Variants in PTPRD observed in about 807,000 individuals in gnomAD.
PTPRD encodes the protein receptor-type tyrosine-protein phosphatase delta.
PTPRD carries 34 observed loss-of-function variants against 214.5 expected under a neutral mutation model. That is an observed-to-expected ratio of 0.16 (90% CI 0.12 to 0.21). PTPRD has a LOEUF of 0.21. Ranked by LOEUF, PTPRD falls within the 10% of genes least tolerant of loss-of-function variation. The pLI is 1.00. For synonymous variants in PTPRD, 1,128 were observed against 845.7 expected (o/e 1.33, Z -5.79); for missense variants, 2,545 against 2,398.7 (o/e 1.06, Z -1.27).
intron 10 of PTPRD, among the ~76,000 whole-genome samples, chr9:9,107,948 C>T (rs1172559189): frequency 3.9e-5 from 6 of 152,094 alleles, no homozygotes; most frequent in Non-Finnish European, 5.9e-5. Context: ...ACTTTTTACA[C>T]ATGACAAATG....
chr9:8,417,397 T>A lies in PTPRD; in HGVS notation c.4087-12737A>T, dbSNP rs144361101. 2.0e-5 allele frequency among the ~76,000 whole-genome samples: 3 copies of A among 152,258 alleles called. No individual in the cohort carries two copies. The East Asian group carries it at 5.8e-4, about 29-fold the overall frequency. On this transcript the variant is annotated intron_variant, in intron 35 of 45. Transcript: ENST00000381196. ...ATTCCTTAGAACTGAATAGCCATAA[T>A]GCAGCAAAGGGTAGAGCTGTATTGG...
At chr9:10,002,876 A>G (rs1447303007) in intron 4 of PTPRD, among the ~76,000 whole-genome samples, 2 of 151,704 alleles carry the variant, frequency 1.3e-5, no homozygotes, top group African/African-American at 4.8e-5. Context: ...CGAATACACA[A>G]TCTTCTCAAG....
chr9:10,523,170 C>T (rs2052950025), intron 2 of PTPRD, among the ~76,000 whole-genome samples: 1 of 152,060 alleles, frequency 6.6e-6, no homozygotes, highest in African/African-American at 2.4e-5. Context: ...GGGAAATATA[C>T]ATTAAAATGT....
At chr9:8,931,579 T>A (rs575261426) in intron 11 of PTPRD, among the ~76,000 whole-genome samples, 13 of 152,344 alleles carry the variant, frequency 8.5e-5, no homozygotes, top group Non-Finnish European at 1.3e-4. Flanking sequence ...CGATATTGAT[T>A]CTTCCTATCC....
intron 11 of PTPRD, among the ~76,000 whole-genome samples, chr9:8,957,565 G>A (rs943725377): frequency 6.6e-6 from 1 of 151,612 alleles, no homozygotes; most frequent in African/African-American, 2.4e-5. Flanking sequence ...TTTATTTTGC[G>A]GCACCATACA....
chr9:8,447,252 T>C (rs1169279216), intron 34 of PTPRD, among the ~76,000 whole-genome samples: 1 of 152,192 alleles, frequency 6.6e-6, no homozygotes, highest in Non-Finnish European at 1.5e-5. Flanking sequence ...CTCTCTTATC[T>C]CATTTTGTCT....
intron 8 of PTPRD, among the ~76,000 whole-genome samples, chr9:9,429,307 T>C (rs1242923386): frequency 6.6e-6 from 1 of 152,024 alleles, no homozygotes; most frequent in African/African-American, 2.4e-5. Flanking sequence ...CTAGAAGAAA[T>C]GGATAAATTC....
intron 4 of PTPRD, among the ~76,000 whole-genome samples, chr9:10,012,880 C>A (rs1375365640): frequency 6.6e-6 from 1 of 151,764 alleles, no homozygotes; most frequent in East Asian, 1.9e-4. Context: ...GACATACAAC[C>A]CAGCAAACAC....
chr9:10,354,905 T>A (rs2097249086), intron 2 of PTPRD, among the ~76,000 whole-genome samples: 1 of 152,238 alleles, frequency 6.6e-6, no homozygotes, highest in African/African-American at 2.4e-5. Flanking sequence ...TACTTTCCTC[T>A]GACTTCAGCA....
Position 9,755,026 on chromosome 9 carries a change from G to A in PTPRD, c.-326+11784C>T, listed in dbSNP as rs116017137. Among the ~76,000 whole-genome samples the A allele has an allele frequency of 1.6e-3, 248 of 152,078 alleles. 1 individual carries two copies. Among genetic ancestry groups the A allele is most frequent in the African/African-American group, 5.9e-3 (244 of 41,540 alleles). The stretch of plus-strand genomic sequence containing the variant: ...CTGCTTTGATGTAACCTGGAATATT[G>A]TACTGCAGAGCCACAGACCCCATTC... On this transcript the variant is annotated intron_variant, in intron 6 of 45. Transcript: ENST00000381196.
At chr9:9,689,990 G>A (rs541162243) in intron 7 of PTPRD, among the ~76,000 whole-genome samples, 1 of 151,838 alleles carries the variant, frequency 6.6e-6, no homozygotes, top group East Asian at 1.9e-4. Context: ...CCTTTCTTTT[G>A]GATGTATATC....
intron 3 of PTPRD, among the ~76,000 whole-genome samples, chr9:10,037,463 G>A (rs1442250610): frequency 6.6e-6 from 1 of 151,672 alleles, no homozygotes; most frequent in Non-Finnish European, 1.5e-5. Flanking sequence ...CTTCTGCCAT[G>A]AGTAAAAGCT....
In PTPRD at chr9:10,542,885, A is replaced by ATTTTGTATTT. The variant is rs375322459; in HGVS notation, c.-600+69503_-600+69512dup. Among the ~76,000 whole-genome samples, 717 of 151,998 alleles carry ATTTTGTATTT rather than the reference A, an allele frequency of 4.7e-3. 3 individuals are homozygous for ATTTTGTATTT. Among genetic ancestry groups the ATTTTGTATTT allele is most frequent in the Non-Finnish European group, 8.5e-3 (575 of 67,942 alleles). On this transcript the variant is annotated intron_variant, in intron 2 of 45. Coordinates refer to ENST00000381196, the MANE Select transcript of PTPRD (RefSeq NM_002839.4). ...AGACATGCACTACCACGCCAGGCTA[A>ATTTTGTATTT]TTTTGTATTTTTATTTTATTTGTTT...
intron 11 of PTPRD, among the ~76,000 whole-genome samples, chr9:8,925,877 T>TTC (rs1555530702): frequency 6.7e-6 from 1 of 149,588 alleles, no homozygotes. Flanking sequence ...TTTTTTTTTT[T>TTC]ACTGATCTCT....
intron 9 of PTPRD, among the ~76,000 whole-genome samples, chr9:9,284,093 C>T (rs1948631480): frequency 6.6e-6 from 1 of 151,580 alleles, no homozygotes; most frequent in Non-Finnish European, 1.5e-5. Flanking sequence ...GTGTTCTTAG[C>T]TATCCAAGTA....
At chr9:9,349,985 T>C (rs371140551) in intron 9 of PTPRD, among the ~76,000 whole-genome samples, 7 of 152,088 alleles carry the variant, frequency 4.6e-5, no homozygotes, top group African/African-American at 1.7e-4. Context: ...AGCATAGATG[T>C]AACCTTGGTC....
intron 26 of PTPRD, 61 bp downstream of exon 26, chr9:8,497,181 G>T: frequency 1.5e-6 from 2 of 1,372,258 alleles, no homozygotes; most frequent in Non-Finnish European, 2.0e-6. Context: ...TAAGTGAAAG[G>T]ATGTCAGAGA....
At chr9:8,667,247 G>A (rs557352592) in intron 12 of PTPRD, among the ~76,000 whole-genome samples, 1 of 152,188 alleles carries the variant, frequency 6.6e-6, no homozygotes, top group African/African-American at 2.4e-5. Flanking sequence ...GCTGAGGCAG[G>A]AGTATCGCTT....
At chr9:9,626,973 T>C (rs1356053879) in intron 7 of PTPRD, among the ~76,000 whole-genome samples, 2 of 152,322 alleles carry the variant, frequency 1.3e-5, no homozygotes, top group East Asian at 1.9e-4. Context: ...AATTTAGGAA[T>C]AGTATAAGAC....
Sources: allele counts gnomAD v4.1 joint callset (sites outside exome capture counted in the v4.1 genomes callset), GRCh38; gene constraint gnomAD v4.1.1; transcripts MANE v1.5; gene names NCBI Gene and HGNC (gene_info 2026-07-23, HGNC 2026-07-21).